The following PFKFB4 variants were observed in gnomAD, a reference collection of about 807,000 sequenced individuals.
PFKFB4 encodes 6-phosphofructo-2-kinase/fructose-2,6-bisphosphatase 4.
In PFKFB4, 42 loss-of-function variants were observed where a neutral mutation model predicts 62.8. The ratio of observed to expected loss-of-function variants is 0.67; its 90% CI spans 0.52 to 0.86. The LOEUF (loss-of-function observed/expected upper bound fraction) is 0.86, where lower values mean the gene tolerates loss of function less well. PFKFB4 is among the 40% of genes least tolerant of loss of function. PFKFB4 has a pLI of 0.00. For missense variants in PFKFB4, 475 were observed against 627.2 expected, an observed-to-expected ratio of 0.76 and a Z score of 2.59; for synonymous variants, 204 against 240.7, an observed-to-expected ratio of 0.85 and a Z score of 1.41.
At chr3:48,549,746 G>T (rs2043073532) in intron 3 of PFKFB4, 118 bp downstream of exon 3, 1 of 715,966 alleles carries the variant, frequency 1.4e-6, no homozygotes, top group Non-Finnish European at 2.6e-6. Context: ...GAGTAGCTCA[G>T]TCATTCACCA....
chr3:48,543,554 A>G, intron 4 of PFKFB4, 26 bp downstream of exon 4: 1 of 1,588,208 alleles, frequency 6.3e-7, no homozygotes, highest in Non-Finnish European at 8.6e-7. Flanking sequence ...TGTCACTCCC[A>G]GCTGTCACCA....
chr3:48,526,930 G>C (rs539751386), intron 9 of PFKFB4, among the ~76,000 whole-genome samples: 1 of 145,302 alleles, frequency 6.9e-6, no homozygotes, highest in Admixed American at 7.0e-5. Flanking sequence ...GACAGAGCGA[G>C]ACTCCATCTC....
intron 3 of PFKFB4, among the ~76,000 whole-genome samples, chr3:48,544,270 C>G (rs1560171999): frequency 6.6e-6 from 1 of 152,044 alleles, no homozygotes; most frequent in Non-Finnish European, 1.5e-5. Context: ...AACACTAGGG[C>G]TGGCCCTCGG....
chr3:48,545,281 G>GCA (rs2042927952), intron 3 of PFKFB4, among the ~76,000 whole-genome samples: 1 of 152,082 alleles, frequency 6.6e-6, no homozygotes, highest in African/African-American at 2.4e-5. Flanking sequence ...ACAGGCATGT[G>GCA]CCACCACACC....
intron 10 of PFKFB4, among the ~76,000 whole-genome samples, 167 bp downstream of exon 10, chr3:48,525,398 G>A (rs941917383): frequency 6.6e-6 from 1 of 152,176 alleles, no homozygotes; most frequent in Non-Finnish European, 1.5e-5. Context: ...GGGCTGCATA[G>A]CTGGGAAGGG....
In PFKFB4 at chr3:48,519,478, CTG is replaced by C. The variant is rs984104007; in HGVS notation, c.*267_*268del. On this transcript the variant is annotated 3_prime_UTR_variant, in exon 14 of 14. Coordinates refer to ENST00000232375, the MANE Select transcript of PFKFB4 (RefSeq NM_004567.4). ...CACCTAAGAGCTGCGCCGGAAGAAA[CTG>C]GGGCTGGGCAACCTCCGCGCAGCCC... is the stretch of plus-strand genomic sequence containing the variant. 1.1e-5 allele frequency: 5 copies of C among 462,942 alleles called. No homozygotes were observed. Among genetic ancestry groups the C allele is most frequent in the Admixed American group, 3.5e-5 (1 of 28,404 alleles). 28.7% of individuals were successfully genotyped at this position (462,942 alleles called of 1,614,324 possible).
In PFKFB4 at chr3:48,536,348, G is replaced by C. The variant is rs142200739; in HGVS notation, c.748C>G (p.Arg250Gly). The C allele has an allele frequency of 4.0e-5, 65 of 1,614,152 alleles. No individual in the cohort carries two copies. The highest frequency in any genetic ancestry group is 1.9e-4 in the African/African-American group (14 of 75,048). Residue 250 changes from arginine to glycine, a missense_variant, in exon 8 of 14, where the codon CGC becomes GGC. By Grantham distance (125) the Arg-to-Gly change is moderately radical. Coordinates refer to ENST00000232375, the MANE Select transcript of PFKFB4 (RefSeq NM_004567.4). ...YYLMNIHVTPRSIYLCRHGES... is the reference protein window; with the variant it reads ...YYLMNIHVTPGSIYLCRHGES... ...CCGTGCCGGCAGAGGTAGATGGAGC[G>C]GGGGGTCACGTGGATGTTCATGAGG...
upstream of PFKFB4, among the ~76,000 whole-genome samples, chr3:48,559,123 A>G (rs1216154952): frequency 6.6e-6 from 1 of 152,162 alleles, no homozygotes; most frequent in Non-Finnish European, 1.5e-5. Flanking sequence ...ATCTCTGGGA[A>G]GGCATCCTCA....
chr3:48,535,392 C>T (rs528207154), intron 9 of PFKFB4, 120 bp downstream of exon 9: 6 of 894,448 alleles, frequency 6.7e-6, no homozygotes, highest in African/African-American at 5.0e-5. Flanking sequence ...CCCTAGGTTC[C>T]TGTATCCTTT....
At chr3:48,549,475 G>A (rs528520505) in intron 3 of PFKFB4, among the ~76,000 whole-genome samples, 6 of 152,174 alleles carry the variant, frequency 3.9e-5, no homozygotes, top group South Asian at 2.1e-4. Context: ...TGGGGTGAGC[G>A]AGCGTGACCT....
At chr3:48,524,177 C>T (rs1342035808) in intron 10 of PFKFB4, among the ~76,000 whole-genome samples, 1 of 152,222 alleles carries the variant, frequency 6.6e-6, no homozygotes, top group Non-Finnish European at 1.5e-5. Flanking sequence ...TTCCAGCCCA[C>T]AGCAAACAGA....
chr3:48,548,973 T>A (rs1366744671), intron 3 of PFKFB4, among the ~76,000 whole-genome samples: 1 of 152,194 alleles, frequency 6.6e-6, no homozygotes, highest in Non-Finnish European at 1.5e-5. Flanking sequence ...GGCAGCCTGG[T>A]AGCCACTGGG....
chr3:48,530,747 A>C, intron 9 of PFKFB4, among the ~76,000 whole-genome samples: 1 of 152,082 alleles, frequency 6.6e-6, no homozygotes, highest in East Asian at 1.9e-4. Context: ...TTGCTCTGTC[A>C]CCCAGGCTGG....
Position 48,543,636 on chromosome 3 carries a change from G to A in PFKFB4, c.322C>T (p.Leu108=), listed in dbSNP as rs1203811625. The part of the protein sequence containing the change: ...EGLKIRKQCA[L]AALRDVRRFL... ...CGCCGGACGTCACGGAGGGCTGCCA[G>A]GGCACACTGCCTTCAGGAGAGAAAA... Residue 108 remains leucine (L), a synonymous_variant, in exon 4 of 14, where the codon CTG becomes TTG. Transcript: ENST00000232375. The A allele has an allele frequency of 1.2e-6, 2 of 1,611,448 alleles. No homozygotes were observed. Among genetic ancestry groups the A allele is most frequent in the Non-Finnish European group, 1.7e-6 (2 of 1,179,082 alleles).
rs1337253903 is a variant in PFKFB4, at chr3:48,525,605, C to T, written c.1052G>A (p.Arg351Gln). 4 of 1,607,632 alleles carry T rather than the reference C, an allele frequency of 2.5e-6. No individual in the cohort carries two copies. The highest frequency in any genetic ancestry group is 2.2e-5 in the South Asian group (2 of 90,646). ...QDNYPLEFAL[R>Q]DQDKYRYRYP... is the part of the protein sequence containing the mutation. ...CCGGTACCGGTACTTGTCCTGGTCC[C>T]GCAGGGCGAACTCCAGTGGATAATT... Residue 351 changes from arginine (R) to glutamine (Q), a missense_variant, in exon 10 of 14, where the codon CGG (arginine) becomes CAG (glutamine). Coordinates refer to ENST00000232375, the MANE Select transcript of PFKFB4 (RefSeq NM_004567.4).
At chr3:48,519,972 G>A (rs1416562526) in intron 13 of PFKFB4, among the ~76,000 whole-genome samples, 166 bp from the exon 14 acceptor site, 1 of 152,224 alleles carries the variant, frequency 6.6e-6, no homozygotes, top group Admixed American at 6.5e-5. Context: ...ATGGCCAAGA[G>A]CTTCGTGCCA....
At chr3:48,558,118 C>G (rs1202082520), upstream of PFKFB4, among the ~76,000 whole-genome samples, 1 of 152,156 alleles carries the variant, frequency 6.6e-6, no homozygotes, top group Admixed American at 6.5e-5. Flanking sequence ...TTGCCTTTTA[C>G]TATATTTGTA....
At chr3:48,522,475 C>T (rs1320335596) in intron 12 of PFKFB4, among the ~76,000 whole-genome samples, 1 of 152,228 alleles carries the variant, frequency 6.6e-6, no homozygotes, top group Non-Finnish European at 1.5e-5. Context: ...GGAGTGACAT[C>T]AGCTGCCACT....
At chr3:48,545,168 G>T (rs974032793) in intron 3 of PFKFB4, among the ~76,000 whole-genome samples, 5 of 152,032 alleles carry the variant, frequency 3.3e-5, no homozygotes, top group African/African-American at 1.2e-4. Context: ...GTCTCACTTT[G>T]TTGCCCAGGC....
Sources: gnomAD v4.1 joint callset for allele counts (sites outside exome capture counted in the v4.1 genomes callset) on GRCh38, gnomAD v4.1.1 for gene constraint, MANE v1.5 for transcripts, NCBI Gene and HGNC (gene_info 2026-07-23, HGNC 2026-07-21) for gene names.